The following RSBN1L variants were observed in gnomAD, a reference collection of about 807,000 sequenced individuals.
RSBN1L encodes the protein round spermatid basic protein 1 like.
A neutral mutation model predicts 67.7 loss-of-function variants in RSBN1L; 30 were observed. That is an observed-to-expected ratio of 0.44 (90% CI 0.33 to 0.60). The LOEUF is 0.60. RSBN1L is among the 20% of genes least tolerant of loss of function. The pLI is 0.02. For missense variants in RSBN1L, 992 were observed against 1,031.7 expected (o/e 0.96, Z 0.53); for synonymous variants, 433 against 387.0 (o/e 1.12, Z -1.39).
chr7:77,766,827 A>G (rs1005855921), intron 4 of RSBN1L, among the ~76,000 whole-genome samples: 2 of 151,766 alleles, frequency 1.3e-5, no homozygotes, highest in South Asian at 2.1e-4. Flanking sequence ...ACCTTGTTCC[A>G]TTCCTTTTTC....
rs757295142 is a variant in RSBN1L, at chr7:77,749,672, C to T, written c.952C>T (p.Pro318Ser). 9.3e-6 allele frequency: 15 copies of T among 1,614,092 alleles called. No homozygotes were observed. The Admixed American group carries it at 2.3e-4, about 25-fold the overall frequency. The change falls in exon 3 of 8, where the codon CCA becomes TCA. Residue 318 changes from proline (P) to serine (S), a missense_variant. Around this residue, in one of 7 missense-constraint regions of RSBN1L, gnomAD observed 575 missense variants for 483.2 expected, o/e 1.19. Coordinates refer to ENST00000334955, the MANE Select transcript of RSBN1L (RefSeq NM_198467.3). Reference sequence around the variant, plus strand: ...TACCAAGAACTATGATTCCAAAATTCCAGAGAACAGTGAGTTTCCATTTGT... The same window carrying T: ...TACCAAGAACTATGATTCCAAAATTTCAGAGAACAGTGAGTTTCCATTTGT... The part of the protein sequence containing the change: ...LDTKNYDSKI[P>S]ENSEFPFVSL...
chr7:77,724,017 A>G (rs938903131), intron 1 of RSBN1L, among the ~76,000 whole-genome samples: 3 of 151,972 alleles, frequency 2.0e-5, no homozygotes, highest in South Asian at 2.1e-4. Flanking sequence ...GGCTCAAGCT[A>G]TCCTCCCACC....
intron 1 of RSBN1L, among the ~76,000 whole-genome samples, chr7:77,727,491 C>G (rs1791222225): frequency 6.6e-6 from 1 of 152,050 alleles, no homozygotes; most frequent in African/African-American, 2.4e-5. Flanking sequence ...AGAATTGTCA[C>G]TTTTATTATT....
intron 2 of RSBN1L, among the ~76,000 whole-genome samples, chr7:77,745,530 A>G (rs1477906720): frequency 6.6e-6 from 1 of 152,194 alleles, no homozygotes; most frequent in Non-Finnish European, 1.5e-5. Flanking sequence ...CTTTTGTAAC[A>G]TATGACTTAG....
At chr7:77,711,286 GC>G (rs1790969838) in intron 1 of RSBN1L, among the ~76,000 whole-genome samples, 1 of 149,986 alleles carries the variant, frequency 6.7e-6, no homozygotes, top group Non-Finnish European at 1.5e-5. Context: ...TTGAAACTTA[GC>G]ACTACATTGT....
intron 2 of RSBN1L, among the ~76,000 whole-genome samples, chr7:77,739,918 A>C (rs1459143010): frequency 6.7e-6 from 1 of 149,784 alleles, no homozygotes; most frequent in Admixed American, 6.6e-5. Flanking sequence ...CCTAGGGCTA[A>C]TTTTTTGTAT....
intron 4 of RSBN1L, among the ~76,000 whole-genome samples, chr7:77,767,025 C>A (rs1275787065): frequency 6.9e-6 from 1 of 145,124 alleles, no homozygotes; most frequent in Admixed American, 6.8e-5. Flanking sequence ...CTTCCCCTTC[C>A]CCTTCCCTTT....
chr7:77,781,718 C>T lies in RSBN1L; in HGVS notation c.*2550C>T, dbSNP rs1205181966. The stretch of plus-strand genomic sequence containing the variant: ...TGCATACATCGGCCGGGTGCAGTGG[C>T]TCACGCCTGTAATCCCAGCACTTAG... On this transcript the variant is annotated 3_prime_UTR_variant, in exon 8 of 8. Transcript: ENST00000334955. 1.3e-5 allele frequency: 2 copies of T among 152,244 alleles called. No individual in the cohort carries two copies. Among genetic ancestry groups the T allele is most frequent in the South Asian group, 2.1e-4 (1 of 4,836 alleles). The allele number at this position is 152,244 out of a possible 1,614,324, so 9.4% of individuals were successfully genotyped here. A position where few individuals can be genotyped will look rare whatever the true frequency, so the allele number is the denominator to read the frequency against.
chr7:77,757,023 C>T (rs923735223), intron 3 of RSBN1L, among the ~76,000 whole-genome samples: 4 of 152,176 alleles, frequency 2.6e-5, no homozygotes, highest in Non-Finnish European at 4.4e-5. Flanking sequence ...TTTGTATCCT[C>T]ATGAGCCTAG....
Position 77,781,944 on chromosome 7 carries a change from C to T in RSBN1L, c.*2776C>T, listed in dbSNP as rs1792004799. ...AGGTTGCAGTGAGCCGAGATCGCCC[C>T]ACTGCCCTCCAGCCTGGGCGACAGT... On this transcript the variant is annotated 3_prime_UTR_variant, in exon 8 of 8. Coordinates refer to ENST00000334955, the MANE Select transcript of RSBN1L (RefSeq NM_198467.3). The T allele has an allele frequency of 7.0e-6, 1 of 143,660 alleles. No individual in the cohort carries two copies. The highest frequency in any genetic ancestry group is 2.2e-4 in the South Asian group (1 of 4,586). 8.9% of individuals were successfully genotyped at this position (143,660 alleles called of 1,614,324 possible).
chr7:77,734,714 C>T (rs1167107418), intron 1 of RSBN1L, among the ~76,000 whole-genome samples: 1 of 152,076 alleles, frequency 6.6e-6, no homozygotes, highest in Non-Finnish European at 1.5e-5. Flanking sequence ...GTCTTGAACT[C>T]CTGACCTCGG....
At chr7:77,772,427 A>G (rs909304604) in intron 5 of RSBN1L, among the ~76,000 whole-genome samples, 2 of 152,242 alleles carry the variant, frequency 1.3e-5, no homozygotes, top group African/African-American at 2.4e-5. Flanking sequence ...GCCTACAGCA[A>G]AACTGGAGAG....
At chr7:77,730,551 T>C (rs1791260323) in intron 1 of RSBN1L, among the ~76,000 whole-genome samples, 1 of 152,224 alleles carries the variant, frequency 6.6e-6, no homozygotes, top group South Asian at 2.1e-4. Flanking sequence ...CTCTGCCTAT[T>C]CATCCCTCCT....
At chr7:77,703,754 C>T (rs1478395931) in intron 1 of RSBN1L, among the ~76,000 whole-genome samples, 1 of 151,972 alleles carries the variant, frequency 6.6e-6, no homozygotes, top group African/African-American at 2.4e-5. Flanking sequence ...TCCCAAAGTG[C>T]TAGGATTACA....
At chr7:77,710,807 G>C (rs1790962115) in intron 1 of RSBN1L, among the ~76,000 whole-genome samples, 1 of 151,878 alleles carries the variant, frequency 6.6e-6, no homozygotes, top group African/African-American at 2.4e-5. Flanking sequence ...TGTTGGCCTG[G>C]TTGGTCTCAA....
chr7:77,771,198 C>T (rs1791844617), intron 5 of RSBN1L, among the ~76,000 whole-genome samples: 1 of 152,162 alleles, frequency 6.6e-6, no homozygotes, highest in African/African-American at 2.4e-5. Flanking sequence ...CCTCGGCCAC[C>T]CAAAGTGCCT....
chr7:77,728,061 T>C (rs1791229838), intron 1 of RSBN1L, among the ~76,000 whole-genome samples: 3 of 152,324 alleles, frequency 2.0e-5, no homozygotes, highest in East Asian at 3.9e-4. Context: ...TCCATTCTTG[T>C]ACTTCAGCCT....
At chr7:77,731,305 C>T (rs1365144944) in intron 1 of RSBN1L, among the ~76,000 whole-genome samples, 1 of 152,110 alleles carries the variant, frequency 6.6e-6, no homozygotes, top group Non-Finnish European at 1.5e-5. Context: ...CCTCTGTCTC[C>T]TGGACTCAAG....
At position 77,736,447 on chromosome 7, in the gene RSBN1L, AAAAG is replaced by A; in HGVS notation, c.630_633del (p.Arg211LysfsTer7). 3.5e-6 allele frequency: 4 copies of A among 1,146,844 alleles called. No homozygotes were observed. The highest frequency in any genetic ancestry group is 4.9e-6 in the Non-Finnish European group (4 of 814,852). The allele number at this position is 1,146,844 out of a possible 1,614,324, so 71.0% of individuals were successfully genotyped here. A position where few individuals can be genotyped will look rare whatever the true frequency, so the allele number is the denominator to read the frequency against. On this transcript the variant is annotated frameshift_variant, in exon 2 of 8. Transcript: ENST00000334955. LOFTEE classifies it high-confidence loss of function. ...ACAAAATTAAAGAGAGAGACAAAGA[AAAAG>A]AAAGAGAAAAAAAGAAACATAAAGT...
Sources: gnomAD v4.1 joint callset for allele counts (sites outside exome capture counted in the v4.1 genomes callset) on GRCh38, gnomAD v4.1.1 for gene constraint, gnomAD v4.1.1 regional missense constraint, MANE v1.5 for transcripts, NCBI Gene and HGNC (gene_info 2026-07-23, HGNC 2026-07-21) for gene names.